Variants in C8A observed in about 807,000 individuals in gnomAD.
C8A encodes complement component C8 alpha chain.
Under a neutral mutation model 65.3 loss-of-function variants are expected in C8A, and 67 were observed. That is an observed-to-expected ratio of 1.03 (90% confidence interval 0.84 to 1.26). The LOEUF (loss-of-function observed/expected upper bound fraction) is 1.26. Ranked by LOEUF, C8A falls within the 50% of genes most tolerant of loss-of-function variation. The probability of loss-of-function intolerance (pLI) is 0.00; values close to 1 mark genes in which losing one functional copy is unlikely to be tolerated. For missense variants in C8A, 781 were observed against 723.9 expected (o/e 1.08, Z -0.90); for synonymous variants, 290 against 259.4 (o/e 1.12, Z -1.13).
At chr1:56,870,759 C>T (rs1051182751) in intron 2 of C8A, among the ~76,000 whole-genome samples, 1 of 151,676 alleles carries the variant, frequency 6.6e-6, no homozygotes, top group Admixed American at 6.6e-5. Flanking sequence ...GAATTATTTC[C>T]TTACTGACTC....
chr1:56,906,336 C>T (rs1644463626), intron 7 of C8A, among the ~76,000 whole-genome samples: 1 of 152,020 alleles, frequency 6.6e-6, no homozygotes, highest in African/African-American at 2.4e-5. Context: ...CTATCATGGC[C>T]CGGGCACTGA....
At chr1:56,887,539 T>C (rs1644309780) in intron 7 of C8A, among the ~76,000 whole-genome samples, 1 of 152,218 alleles carries the variant, frequency 6.6e-6, no homozygotes, top group African/African-American at 2.4e-5. Flanking sequence ...TTGCTCACTT[T>C]TTGATGGAAT....
rs150438112 is a variant in C8A, at chr1:56,869,414, C to T, written c.171+1712C>T. On this transcript the variant is annotated intron_variant, in intron 2 of 10. Coordinates refer to ENST00000361249, the MANE Select transcript of C8A (RefSeq NM_000562.3). ...ATGTACCACATTTTCTTTATCCACT[C>T]GTTGGTTGATGGGCATTTGGGTTGT... Among the ~76,000 whole-genome samples the T allele has an allele frequency of 5.3e-5, 8 of 152,244 alleles. No individual in the cohort carries two copies. The East Asian group carries it at 5.8e-4, about 11-fold the overall frequency.
intron 1 of C8A, among the ~76,000 whole-genome samples, chr1:56,865,040 A>G (rs1232051112): frequency 1.3e-5 from 2 of 152,160 alleles, no homozygotes; most frequent in South Asian, 2.1e-4. Context: ...AGTTTTACTT[A>G]AGAAAGTCCT....
chr1:56,906,941 C>A (rs1644471229), intron 8 of C8A, 149 bp downstream of exon 8: 4 of 950,576 alleles, frequency 4.2e-6, no homozygotes, highest in Admixed American at 4.1e-5. Flanking sequence ...AAAACAATGA[C>A]CTGCAGTGGC....
chr1:56,895,404 T>A (rs1557710355), intron 7 of C8A, among the ~76,000 whole-genome samples: 1 of 152,174 alleles, frequency 6.6e-6, no homozygotes, highest in Non-Finnish European at 1.5e-5. Context: ...TGATTTTCTG[T>A]TAAATAGCTT....
rs772948230 is a variant in C8A at position 56,917,705 on chromosome 1, C to T, written c.1744C>T (p.Gln582Ter). ...GTGTCCAGGGCGGAAAGTACAGACGCAGGCTTGCTGAGGGCCTCTGGACAC... is the reference window on the plus strand; with the variant it reads ...GTGTCCAGGGCGGAAAGTACAGACGTAGGCTTGCTGAGGGCCTCTGGACAC... ...ASCPGRKVQTQAC is the reference protein window; with the variant it reads ...ASCPGRKVQT Residue 582 changes from glutamine (Q) to a stop codon, truncating the protein, a stop_gained, in exon 11 of 11, where the codon CAG (glutamine) becomes TAG (stop). Transcript: ENST00000361249. LOFTEE classifies it high-confidence loss of function. The T allele has an allele frequency of 1.5e-5, 25 of 1,614,034 alleles. No homozygotes were observed. Among genetic ancestry groups the T allele is most frequent in the Non-Finnish European group, 1.9e-5 (23 of 1,180,048 alleles).
At chr1:56,874,117 G>T (rs1029224102) in intron 2 of C8A, among the ~76,000 whole-genome samples, 2 of 152,114 alleles carry the variant, frequency 1.3e-5, no homozygotes, top group African/African-American at 4.8e-5. Flanking sequence ...AATAGGCAAG[G>T]CATCTACAAC....
chr1:56,913,856 G>A (rs1644529844), intron 10 of C8A, among the ~76,000 whole-genome samples: 2 of 152,174 alleles, frequency 1.3e-5, no homozygotes, highest in Admixed American at 1.3e-4. Flanking sequence ...AAGCCATGTG[G>A]CTCAATGGCC....
chr1:56,876,132 C>A lies in C8A; in HGVS notation c.387C>A (p.Asp129Glu). Reference sequence around the variant, plus strand: ...GCCTTGATGGCTCTGATGAGGACGACTGTGAAGATGTCAGGGCCATTGACG... The same window carrying A: ...GCCTTGATGGCTCTGATGAGGACGAATGTGAAGATGTCAGGGCCATTGACG... Reference protein sequence around the residue: ...QDCLDGSDEDDCEDVRAIDED... With the variant: ...QDCLDGSDEDECEDVRAIDED... Residue 129 changes from aspartate (D) to glutamate (E), a missense_variant, in exon 4 of 11, where the codon GAC becomes GAA. By Grantham distance (45) the Asp-to-Glu change is conservative. Coordinates refer to ENST00000361249, the MANE Select transcript of C8A (RefSeq NM_000562.3). 1 of 1,613,886 alleles carries A rather than the reference C, an allele frequency of 6.2e-7. No homozygotes were observed. Among genetic ancestry groups the A allele is most frequent in the Non-Finnish European group, 8.5e-7 (1 of 1,179,882 alleles).
intron 4 of C8A, among the ~76,000 whole-genome samples, chr1:56,876,450 C>T (rs914777501): frequency 2.0e-5 from 3 of 151,800 alleles, no homozygotes; most frequent in African/African-American, 7.3e-5. Flanking sequence ...CCCTACTGCT[C>T]ATCTCCCTTC....
chr1:56,915,467 C>T (rs542199806), intron 10 of C8A, among the ~76,000 whole-genome samples: 7 of 152,216 alleles, frequency 4.6e-5, no homozygotes, highest in South Asian at 2.1e-4. Flanking sequence ...TTGATACAGC[C>T]GAGCTCAAGG....
chr1:56,860,544 G>C (rs1644023844), intron 1 of C8A, among the ~76,000 whole-genome samples: 1 of 152,162 alleles, frequency 6.6e-6, no homozygotes, highest in South Asian at 2.1e-4. Context: ...GAATGGATTG[G>C]AGAAAGGTAA....
At chr1:56,899,856 C>T (rs1172738852) in intron 7 of C8A, among the ~76,000 whole-genome samples, 1 of 152,164 alleles carries the variant, frequency 6.6e-6, no homozygotes, top group East Asian at 1.9e-4. Context: ...GGGAGGTAGA[C>T]AGTATTAAAA....
intron 9 of C8A, among the ~76,000 whole-genome samples, chr1:56,912,130 C>G (rs1644512654): frequency 6.6e-6 from 1 of 152,168 alleles, no homozygotes. Context: ...CTGCCCCTCT[C>G]TAAACCCGAT....
In C8A at chr1:56,856,089, A is replaced by T. The variant is rs561448035; in HGVS notation, c.77+1111A>T. 1.6e-4 allele frequency among the ~76,000 whole-genome samples: 24 copies of T among 152,256 alleles called. No individual in the cohort carries two copies. In the South Asian group the frequency reaches 4.8e-3, roughly 30 times the overall value. On this transcript the variant is annotated intron_variant, in intron 1 of 10. Transcript: ENST00000361249. ...CTTATCAAACAAGACAGACCAGTGA[A>T]GGGGCAAATTTCAAGTCAAGGCAAA...
rs567894509 is a variant in C8A, at chr1:56,887,194, G to A, written c.1096+1027G>A. 2.9e-3 allele frequency among the ~76,000 whole-genome samples: 440 copies of A among 152,244 alleles called. 1 individual carries two copies. Among genetic ancestry groups the A allele is most frequent in the Non-Finnish European group, 4.2e-3 (288 of 68,024 alleles). ...AACACATACATAAAATTCCACACTA[G>A]GTAGTCTTTAAAAAACAATTTTCCA... On this transcript the variant is annotated intron_variant, in intron 7 of 10. Transcript: ENST00000361249.
Position 56,917,808 on chromosome 1 carries a change from C to G in C8A, c.*92C>G, listed in dbSNP as rs180786166. 64 of 1,472,076 alleles carry G rather than the reference C, an allele frequency of 4.3e-5. No homozygotes were observed. The East Asian group carries it at 1.4e-3, about 33-fold the overall frequency. 91.2% of individuals were successfully genotyped at this position (1,472,076 alleles called of 1,614,324 possible). Reference sequence around the variant, plus strand: ...GACTTCTTTCAACTAAGAGAAGATGCAAATCAGCACACTTTTTTCTTTGTT... The same window carrying G: ...GACTTCTTTCAACTAAGAGAAGATGGAAATCAGCACACTTTTTTCTTTGTT... On this transcript the variant is annotated 3_prime_UTR_variant, in exon 11 of 11. Transcript: ENST00000361249.
At chr1:56,885,859 A>G (rs1019976407) in intron 6 of C8A, 68 bp from the exon 7 acceptor site, 1 of 1,609,326 alleles carries the variant, frequency 6.2e-7, no homozygotes, top group Non-Finnish European at 8.5e-7. Context: ...GACCTTTTGC[A>G]TTATTTCTAA....
Sources: allele counts gnomAD v4.1 joint callset (sites outside exome capture counted in the v4.1 genomes callset), GRCh38; gene constraint gnomAD v4.1.1; transcripts MANE v1.5; gene names NCBI Gene and HGNC (gene_info 2026-07-23, HGNC 2026-07-21).